RREB1: variants seen among roughly 807,000 people sequenced by gnomAD.
The protein encoded by RREB1 is ras responsive element binding protein 1.
A neutral mutation model predicts 117.8 loss-of-function variants in RREB1; 27 were observed. That is an observed-to-expected ratio of 0.23 (90% confidence interval 0.17 to 0.32). RREB1 has a LOEUF of 0.32. RREB1 is among the 10% of genes least tolerant of loss of function. The pLI is 1.00. For synonymous variants in RREB1, 1,298 were observed against 1,026.7 expected, an observed-to-expected ratio of 1.26 and a Z score of -5.05; for missense variants, 2,577 against 2,378.2, an observed-to-expected ratio of 1.08 and a Z score of -1.74.
intron 1 of RREB1, among the ~76,000 whole-genome samples, chr6:7,164,817 G>A (rs531803406): frequency 8.4e-4 from 128 of 152,384 alleles, no homozygotes; most frequent in Middle Eastern, 3.4e-3. Flanking sequence ...CTCCAAAGGC[G>A]AGGGGTCCAG....
chr6:7,126,500 C>T (rs1363097468), intron 1 of RREB1, among the ~76,000 whole-genome samples: 1 of 151,038 alleles, frequency 6.6e-6, no homozygotes, highest in Non-Finnish European at 1.5e-5. Flanking sequence ...AACTCCTGAC[C>T]TCGGGTGATC....
chr6:7,125,004 G>A (rs570186709), intron 1 of RREB1, among the ~76,000 whole-genome samples: 1 of 152,192 alleles, frequency 6.6e-6, no homozygotes, highest in African/African-American at 2.4e-5. Flanking sequence ...TCCTTGTGAG[G>A]CACATCGAGG....
At chr6:7,244,518 A>G (rs559458054) in intron 11 of RREB1, among the ~76,000 whole-genome samples, 1 of 152,378 alleles carries the variant, frequency 6.6e-6, no homozygotes, top group African/African-American at 2.4e-5. Flanking sequence ...AAATGATTCA[A>G]GAAAAACGAA....
At chr6:7,225,316 G>C (rs1767521328) in intron 8 of RREB1, among the ~76,000 whole-genome samples, 1 of 152,186 alleles carries the variant, frequency 6.6e-6, no homozygotes. Context: ...TACTGTGTCT[G>C]TGCTTCCCGA....
intron 4 of RREB1, among the ~76,000 whole-genome samples, chr6:7,184,274 A>ATTT (rs144526626): frequency 6.7e-6 from 1 of 150,310 alleles, no homozygotes; most frequent in Non-Finnish European, 1.5e-5. Flanking sequence ...TATTATTATT[A>ATTT]TTTTTTTTAT....
intron 1 of RREB1, among the ~76,000 whole-genome samples, chr6:7,160,977 C>T (rs1763632756): frequency 1.3e-5 from 2 of 152,178 alleles, no homozygotes; most frequent in Admixed American, 6.5e-5. Flanking sequence ...AGCCACTGCA[C>T]CCGGCCCACA....
chr6:7,143,252 C>T (rs1762706280), intron 1 of RREB1, among the ~76,000 whole-genome samples: 6 of 152,116 alleles, frequency 3.9e-5, no homozygotes, highest in Admixed American at 2.6e-4. Flanking sequence ...GGTGTAAATG[C>T]GGCTCATTAA....
chr6:7,130,929 C>CTTT (rs61305060), intron 1 of RREB1, among the ~76,000 whole-genome samples: 7 of 45,718 alleles, frequency 1.5e-4, no homozygotes, highest in Admixed American at 2.8e-4. Flanking sequence ...ATAGTCATGT[C>CTTT]TTTTTTTTTT....
In RREB1 at chr6:7,192,337, C is replaced by T. The variant is rs532843473; in HGVS notation, c.425+3015C>T. Among the ~76,000 whole-genome samples, 3 of 151,776 alleles carry T rather than the reference C, an allele frequency of 2.0e-5. No individual in the cohort carries two copies. In the East Asian group the frequency reaches 5.8e-4, roughly 29 times the overall value. ...CCTCCCAGGTAGCTGGGACTACAGG[C>T]GTGCACCACCACTCCTGGCTAATTT... On this transcript the variant is annotated intron_variant, in intron 6 of 12. Transcript: ENST00000379938.
chr6:7,183,791 C>T (rs915723532), intron 4 of RREB1: 2 of 152,092 alleles, frequency 1.3e-5, no homozygotes, highest in Admixed American at 6.6e-5. Context: ...AAAAACAAAA[C>T]TCAGTGGGGA....
At chr6:7,236,887 G>GTTTTTTTTTTT (rs869133214) in intron 10 of RREB1, among the ~76,000 whole-genome samples, 1 of 63,404 alleles carries the variant, frequency 1.6e-5, no homozygotes, top group Non-Finnish European at 2.7e-5. Flanking sequence ...GTTTTTGGAG[G>GTTTTTTTTTTT]TTTTTTTTTT....
chr6:7,120,829 T>C (rs1049496982), intron 1 of RREB1, among the ~76,000 whole-genome samples: 2 of 147,470 alleles, frequency 1.4e-5, no homozygotes, highest in Non-Finnish European at 3.0e-5. Context: ...TTTTTTTTTT[T>C]TTTTTTTTGA....
At position 7,108,052 on chromosome 6, in the gene RREB1, T is replaced by G. The variant is rs981800612; in HGVS notation, c.-293T>G. 6.6e-6 allele frequency: 1 copy of G among 152,304 alleles called. No individual in the cohort carries two copies. The highest frequency in any genetic ancestry group is 2.4e-5 in the African/African-American group (1 of 41,474). The allele number at this position is 152,304 out of a possible 1,614,324, so 9.4% of individuals were successfully genotyped here. ...CATCATGCCAGGGAGCCAAGCGTCC[T>G]GCCCGGCCGTAAGTACGTGCCCCGG... On this transcript the variant is annotated 5_prime_UTR_variant, in exon 1 of 13. Transcript: ENST00000379938.
At position 7,211,222 on chromosome 6, in the gene RREB1, A is replaced by G. The variant is rs572754100; in HGVS notation, c.570+274A>G. Reference sequence around the variant, plus strand: ...TTTTTCTAGCTAAAGCGCAAGCTTCATAAGCATTCGGGACTCTTTTGTCCT... The same window carrying G: ...TTTTTCTAGCTAAAGCGCAAGCTTCGTAAGCATTCGGGACTCTTTTGTCCT... On this transcript the variant is annotated intron_variant, in intron 7 of 12. Transcript: ENST00000379938. 2.6e-5 allele frequency among the ~76,000 whole-genome samples: 4 copies of G among 151,728 alleles called. No homozygotes were observed. In the East Asian group the frequency reaches 5.8e-4, roughly 22 times the overall value.
chr6:7,245,989 G>C (rs539304997), intron 11 of RREB1, among the ~76,000 whole-genome samples: 7 of 152,226 alleles, frequency 4.6e-5, no homozygotes, highest in Non-Finnish European at 8.8e-5. Context: ...GGGTGGTCCT[G>C]TGTATGTTGC....
At chr6:7,226,777 T>G (rs1340044947) in intron 9 of RREB1, 121 bp downstream of exon 9, 1 of 759,964 alleles carries the variant, frequency 1.3e-6, no homozygotes. Context: ...GCTTTGTCTT[T>G]TTTTGTAACA....
chr6:7,214,115 A>G (rs1766765644), intron 8 of RREB1: 1 of 152,312 alleles, frequency 6.6e-6, no homozygotes, highest in Admixed American at 6.5e-5. Context: ...TGGGCATTGC[A>G]CTGGACGCTC....
intron 1 of RREB1, among the ~76,000 whole-genome samples, chr6:7,163,240 T>G (rs1197892077): frequency 6.6e-6 from 1 of 151,228 alleles, no homozygotes; most frequent in Non-Finnish European, 1.5e-5. Flanking sequence ...CTGTTGAGCC[T>G]TTTTTTTACC....
intron 8 of RREB1, among the ~76,000 whole-genome samples, chr6:7,223,561 CAA>C (rs368033890): frequency 2.2e-4 from 21 of 95,634 alleles, no homozygotes; most frequent in East Asian, 2.7e-4. Context: ...ACTCTTGTCT[CAA>C]AAAAAAAAAA....
Sources: allele counts gnomAD v4.1 joint callset (sites outside exome capture counted in the v4.1 genomes callset), GRCh38; gene constraint gnomAD v4.1.1; transcripts MANE v1.5; gene names NCBI Gene and HGNC (gene_info 2026-07-23, HGNC 2026-07-21).